Variants in SEPTIN9 observed in about 807,000 individuals in gnomAD.
SEPTIN9 encodes septin 9.
SEPTIN9 carries 13 observed loss-of-function variants against 56.6 expected under a neutral mutation model. That is an observed-to-expected ratio of 0.23 (90% confidence interval 0.15 to 0.37). The LOEUF (loss-of-function observed/expected upper bound fraction) is 0.37, where lower values mean the gene tolerates loss of function less well. Ranked by LOEUF, SEPTIN9 falls within the 10% of genes least tolerant of loss-of-function variation. SEPTIN9 has a pLI of 1.00. For synonymous variants in SEPTIN9, 332 were observed against 334.1 expected (o/e 0.99, Z 0.07); for missense variants, 650 against 823.1 (o/e 0.79, Z 2.57).
intron 3 of SEPTIN9, among the ~76,000 whole-genome samples, chr17:77,452,384 C>G (rs953976481): frequency 6.6e-6 from 1 of 152,210 alleles, no homozygotes; most frequent in Non-Finnish European, 1.5e-5. Context: ...CCTGAAACGC[C>G]GTCCCAGTGA....
intron 3 of SEPTIN9, chr17:77,454,156 C>G (rs1414158906): frequency 5.1e-6 from 5 of 985,572 alleles, no homozygotes; most frequent in Non-Finnish European, 6.0e-6. Context: ...GCAGCCCTCA[C>G]CTTAACACAG....
intron 3 of SEPTIN9, among the ~76,000 whole-genome samples, chr17:77,443,819 A>G (rs2037637899): frequency 6.6e-6 from 1 of 152,136 alleles, no homozygotes. Context: ...AAAAAAAGAA[A>G]AAAAGTAAAA....
rs1028871344 is a variant in SEPTIN9, at chr17:77,433,051, C to T, written c.721+30348C>T. 1.3e-5 allele frequency among the ~76,000 whole-genome samples: 2 copies of T among 152,216 alleles called. No homozygotes were observed. Among genetic ancestry groups the T allele is most frequent in the East Asian group, 1.9e-4 (1 of 5,200 alleles). ...TGCCCCTCCCCTCCCGCTGTGCTCT[C>T]AGCTGCTCCGACAGGATGCTTTTGG... On this transcript the variant is annotated intron_variant, in intron 3 of 11. Coordinates refer to ENST00000427177, the MANE Select transcript of SEPTIN9 (RefSeq NM_001113491.2). This position sits in a 1 kb window ranked among gnomAD's most constrained non-coding sequence, Gnocchi z 6.4.
At chr17:77,379,241 G>T (rs541327391) in intron 2 of SEPTIN9, among the ~76,000 whole-genome samples, 1 of 152,148 alleles carries the variant, frequency 6.6e-6, no homozygotes, top group South Asian at 2.1e-4. Context: ...GGCCCGGGGT[G>T]TCAGGAGGTG....
intron 3 of SEPTIN9, among the ~76,000 whole-genome samples, chr17:77,477,100 T>G (rs1014492620): frequency 6.8e-6 from 1 of 147,664 alleles, no homozygotes; most frequent in Admixed American, 6.7e-5. Context: ...CCTTTTTTCC[T>G]TCCTTCCCTG....
chr17:77,289,439 G>A (rs1316403795), intron 1 of SEPTIN9, among the ~76,000 whole-genome samples: 1 of 112,732 alleles, frequency 8.9e-6, no homozygotes, highest in African/African-American at 3.7e-5. Flanking sequence ...ATGGAGTTTC[G>A]CTCTTGTTGC....
chr17:77,409,077 C>T, intron 3 of SEPTIN9, among the ~76,000 whole-genome samples: 1 of 152,118 alleles, frequency 6.6e-6, no homozygotes. Flanking sequence ...GACGTTCCTG[C>T]CGGGATGCCT....
chr17:77,460,470 G>C (rs2038418635), intron 3 of SEPTIN9, among the ~76,000 whole-genome samples: 1 of 152,122 alleles, frequency 6.6e-6, no homozygotes, highest in Non-Finnish European at 1.5e-5. Flanking sequence ...TCTCCTTCTG[G>C]GTCCTATGTC....
intron 2 of SEPTIN9, among the ~76,000 whole-genome samples, chr17:77,370,307 G>C (rs1422377207): frequency 6.6e-6 from 1 of 152,196 alleles, no homozygotes; most frequent in African/African-American, 2.4e-5. Context: ...GTGGCCCCAG[G>C]TGTTCCTTGG....
rs767992384 is a variant in SEPTIN9 at position 77,453,077 on chromosome 17, G to C, written c.722-29067G>C. ...GGGTGGCTGAGACACTATTGCATTG[G>C]CCACTTTGTGTTCCCACTAGCCCCC... On this transcript the variant is annotated intron_variant, in intron 3 of 11. Transcript: ENST00000427177. The surrounding 1 kb of genome is among the most constrained non-coding windows in gnomAD (Gnocchi z 4.4). Among the ~76,000 whole-genome samples the C allele has an allele frequency of 6.6e-6, 1 of 151,766 alleles. No homozygotes were observed. Among genetic ancestry groups the C allele is most frequent in the Non-Finnish European group, 1.5e-5 (1 of 67,974 alleles).
Position 77,498,678 on chromosome 17 carries a change from C to G in SEPTIN9, c.*20C>G. ...ATGTAGACGCCACCCTGCCCACCCC[C>G]GGGATCCTGCCCCCAAGTCATTTCC... is the stretch of plus-strand genomic sequence containing the variant. On this transcript the variant is annotated 3_prime_UTR_variant, in exon 12 of 12. Coordinates refer to ENST00000427177, the MANE Select transcript of SEPTIN9 (RefSeq NM_001113491.2). 6.6e-7 allele frequency: 1 copy of G among 1,511,230 alleles called. No individual in the cohort carries two copies. The highest frequency in any genetic ancestry group is 8.9e-7 in the Non-Finnish European group (1 of 1,123,270). The allele number at this position is 1,511,230 out of a possible 1,614,324, so 93.6% of individuals were successfully genotyped here.
At chr17:77,358,331 C>A (rs1275742172) in intron 2 of SEPTIN9, among the ~76,000 whole-genome samples, 3 of 152,170 alleles carry the variant, frequency 2.0e-5, no homozygotes, top group African/African-American at 2.4e-5. Context: ...GTTCCAAATA[C>A]CAAAACTGGC....
intron 10 of SEPTIN9, among the ~76,000 whole-genome samples, chr17:77,493,592 G>A (rs1224143158): frequency 2.6e-5 from 4 of 152,010 alleles, no homozygotes; most frequent in Non-Finnish European, 5.9e-5. Flanking sequence ...CCAGAGGTCC[G>A]AAATCAGGGG....
rs1222889712 is a variant in SEPTIN9, at chr17:77,488,770, T to C, written c.1168T>C (p.Tyr390His). ...GTTCATCAATGACCAGTACGAGAAATACCTGCAGGAGGAGGTCAACATCAA... is the reference window on the plus strand; with the variant it reads ...GTTCATCAATGACCAGTACGAGAAACACCTGCAGGAGGAGGTCAACATCAA... Reference protein sequence around the residue: ...MKFINDQYEKYLQEEVNINRK... With the variant: ...MKFINDQYEKHLQEEVNINRK... The change falls in exon 7 of 12, where the codon TAC becomes CAC. Residue 390 changes from tyrosine (Y) to histidine (H), a missense_variant. By Grantham distance (83) the Tyr-to-His change is moderately conservative. Transcript: ENST00000427177. 3 of 1,613,738 alleles carry C rather than the reference T, an allele frequency of 1.9e-6. No individual in the cohort carries two copies. The highest frequency in any genetic ancestry group is 3.3e-5 in the Admixed American group (2 of 59,990).
intron 3 of SEPTIN9, among the ~76,000 whole-genome samples, chr17:77,452,203 A>G (rs2038004250): frequency 6.6e-6 from 1 of 152,226 alleles, no homozygotes; most frequent in African/African-American, 2.4e-5. Flanking sequence ...CGTGTCGGCC[A>G]TGCAGAGGCA....
At chr17:77,415,311 A>G (rs1354926701) in intron 3 of SEPTIN9, among the ~76,000 whole-genome samples, 1 of 152,126 alleles carries the variant, frequency 6.6e-6, no homozygotes, top group Non-Finnish European at 1.5e-5. Context: ...ATGTTTGTTT[A>G]TTCAAGAAGT....
chr17:77,454,470 T>A, intron 3 of SEPTIN9: 1 of 749,002 alleles, frequency 1.3e-6, no homozygotes, highest in Non-Finnish European at 1.6e-6. Flanking sequence ...GTTTGTTTGA[T>A]GAGGAATTGG....
chr17:77,475,188 C>A lies in SEPTIN9; in HGVS notation c.722-6956C>A. ...GCGTGATGGATGAGGTGTCTGGCTT[C>A]ACAAACCCTGTGTGGGGGGGTTGTG... On this transcript the variant is annotated intron_variant, in intron 3 of 11. Coordinates refer to ENST00000427177, the MANE Select transcript of SEPTIN9 (RefSeq NM_001113491.2). The surrounding 1 kb of genome is among the most constrained non-coding windows in gnomAD (Gnocchi z 4.6). The A allele has an allele frequency of 3.3e-6, 4 of 1,196,586 alleles. No homozygotes were observed. Among genetic ancestry groups the A allele is most frequent in the Admixed American group, 8.3e-5 (2 of 24,076 alleles). The allele number at this position is 1,196,586 out of a possible 1,614,324, so 74.1% of individuals were successfully genotyped here. A position where few individuals can be genotyped will look rare whatever the true frequency, so the allele number is the denominator to read the frequency against.
In SEPTIN9 at chr17:77,425,756, A is replaced by G. The variant is rs2574839; in HGVS notation, c.721+23053A>G. The stretch of plus-strand genomic sequence containing the variant: ...GCTGCCCCCCGCTCATCTACCCCCC[A>G]ACCCTCCCAGCCAGCAGAGTTTTAC... On this transcript the variant is annotated intron_variant, in intron 3 of 11. Coordinates refer to ENST00000427177, the MANE Select transcript of SEPTIN9 (RefSeq NM_001113491.2). The surrounding 1 kb of genome is among the most constrained non-coding windows in gnomAD (Gnocchi z 4.2). Among the ~76,000 whole-genome samples the G allele has an allele frequency of 0.17, 24,524 of 147,486 alleles. 5,377 individuals carry two copies. The highest frequency in any genetic ancestry group is 0.5 in the African/African-American group (20,201 of 40,468).
Sources: allele counts gnomAD v4.1 joint callset (sites outside exome capture counted in the v4.1 genomes callset), GRCh38; gene constraint gnomAD v4.1.1; non-coding constraint Gnocchi (gnomAD v3.1); transcripts MANE v1.5; gene names NCBI Gene and HGNC (gene_info 2026-07-23, HGNC 2026-07-21).